The following PLPP4 variants were observed in gnomAD, a reference collection of about 807,000 sequenced individuals.
The protein encoded by PLPP4 is phospholipid phosphatase 4, also known as diacylglycerol pyrophosphate like 2.
In PLPP4, 20 loss-of-function variants were observed where a neutral mutation model predicts 32.2. The observed-to-expected ratio is 0.62, with a 90% CI of 0.44 to 0.90. The LOEUF is 0.90. Among genes scored for constraint, PLPP4 ranks in the 40% least tolerant of loss-of-function variants. The pLI is 0.00. For synonymous variants in PLPP4, 127 were observed against 133.0 expected (o/e 0.95, Z 0.31); for missense variants, 257 against 353.1 (o/e 0.73, Z 2.18).
chr10:120,510,161 C>T (rs184458681), intron 2 of PLPP4, among the ~76,000 whole-genome samples: 13 of 152,270 alleles, frequency 8.5e-5, no homozygotes, highest in African/African-American at 2.9e-4. Flanking sequence ...TCTCAGTACA[C>T]GTTAGCCTTT....
chr10:120,589,397 C>G lies in PLPP4; in HGVS notation c.711C>G (p.Pro237=), dbSNP rs756627781. ...TGGCCAACACAGCTTGCCATAAACC[C>G]TACGTTAGTCTGCGAGTCCCAGCCT... The part of the protein sequence containing the change: ...PPLANTACHK[P]YVSLRVPASL... The change falls in exon 7 of 7, where the codon CCC becomes CCG. Residue 237 remains proline (P), a synonymous_variant. Coordinates refer to ENST00000398250, the MANE Select transcript of PLPP4 (RefSeq NM_001030059.3). 1 of 1,614,134 alleles carries G rather than the reference C, an allele frequency of 6.2e-7. No individual in the cohort carries two copies. The highest frequency in any genetic ancestry group is 1.1e-5 in the South Asian group (1 of 91,082).
At chr10:120,479,882 G>A (rs1844118167) in intron 1 of PLPP4, among the ~76,000 whole-genome samples, 1 of 152,182 alleles carries the variant, frequency 6.6e-6, no homozygotes, top group African/African-American at 2.4e-5. Flanking sequence ...ACTGGAGGTT[G>A]TAATTATTTT....
rs185996208 is a variant in PLPP4 at position 120,526,257 on chromosome 10, T to C, written c.445+5162T>C. On this transcript the variant is annotated intron_variant, in intron 5 of 6. Transcript: ENST00000398250. ...ATGGATACATCATCTCTTACCCCGC[T>C]TTGTTTGCCGGTTTCATGTGTGCCC... Among the ~76,000 whole-genome samples, 347 of 152,292 alleles carry C rather than the reference T, an allele frequency of 2.3e-3. 3 individuals are homozygous for C. Among genetic ancestry groups the C allele is most frequent in the African/African-American group, 8.0e-3 (331 of 41,576 alleles).
chr10:120,575,150 C>T lies in PLPP4; in HGVS notation c.465C>T (p.Gly155=). Residue 155 remains glycine (G), a synonymous_variant, in exon 6 of 7, where the codon GGC becomes GGT. Transcript: ENST00000398250. The part of the protein sequence containing the change: ...IHSSFAFSGL[G]FTTFYLAGKL... ...TGGCAGTTGCCTTTTCGGGCCTTGG[C>T]TTCACGACGTTCTACTTGGCGGGCA... is the stretch of plus-strand genomic sequence containing the variant. 6.2e-7 allele frequency: 1 copy of T among 1,613,620 alleles called. No individual in the cohort carries two copies. The highest frequency in any genetic ancestry group is 8.5e-7 in the Non-Finnish European group (1 of 1,179,788).
rs1433168427 is a variant in PLPP4 at position 120,590,251 on chromosome 10, CAT to C, written c.*751_*752del. 6.6e-6 allele frequency among the ~76,000 whole-genome samples: 1 copy of C among 152,196 alleles called. No homozygotes were observed. Among genetic ancestry groups the C allele is most frequent in the African/African-American group, 2.4e-5 (1 of 41,450 alleles). ...TGGAGCCACTTCTGTAGCTCTGCCT[CAT>C]ACAGTGAATTTTTGGGGCACGGGGG... is the stretch of plus-strand genomic sequence containing the variant. On this transcript the variant is annotated 3_prime_UTR_variant, in exon 7 of 7. Coordinates refer to ENST00000398250, the MANE Select transcript of PLPP4 (RefSeq NM_001030059.3).
chr10:120,500,694 T>TG (rs1845205762), intron 1 of PLPP4, among the ~76,000 whole-genome samples: 1 of 112,086 alleles, frequency 8.9e-6, no homozygotes, highest in Admixed American at 9.9e-5. Context: ...GGGGGTGGGG[T>TG]GGGGTTCCAG....
Position 120,515,038 on chromosome 10 carries a change from G to C in PLPP4, c.256+1037G>C, listed in dbSNP as rs74987579. On this transcript the variant is annotated intron_variant, in intron 3 of 6. Coordinates refer to ENST00000398250, the MANE Select transcript of PLPP4 (RefSeq NM_001030059.3). Reference sequence around the variant, plus strand: ...TGAGAGCTGCATCTAGGGAGTGTGGGACAAGCAGCAGCTCCTGCCCTAAAG... The same window carrying C: ...TGAGAGCTGCATCTAGGGAGTGTGGCACAAGCAGCAGCTCCTGCCCTAAAG... Among the ~76,000 whole-genome samples the C allele has an allele frequency of 3.7e-3, 557 of 152,236 alleles. 4 individuals carry two copies. Among genetic ancestry groups the C allele is most frequent in the African/African-American group, 0.013 (537 of 41,556 alleles).
At chr10:120,520,733 C>T (rs1846113004) in intron 4 of PLPP4, among the ~76,000 whole-genome samples, 1 of 152,112 alleles carries the variant, frequency 6.6e-6, no homozygotes, top group African/African-American at 2.4e-5. Context: ...AACTGACCTT[C>T]CCAAGGTCAT....
At chr10:120,515,777 A>C (rs189714080) in intron 3 of PLPP4, among the ~76,000 whole-genome samples, 2 of 152,328 alleles carry the variant, frequency 1.3e-5, no homozygotes, top group African/African-American at 4.8e-5. Flanking sequence ...GAGCCCCCTC[A>C]GTTCATTTGG....
intron 1 of PLPP4, among the ~76,000 whole-genome samples, chr10:120,472,478 G>A (rs566539941): frequency 2.6e-5 from 4 of 152,140 alleles, no homozygotes; most frequent in Admixed American, 6.5e-5. Flanking sequence ...TTTTATGAAT[G>A]TAATGTGTTT....
At chr10:120,583,331 ATGT>A (rs956406840) in intron 6 of PLPP4, among the ~76,000 whole-genome samples, 7 of 151,776 alleles carry the variant, frequency 4.6e-5, no homozygotes, top group Non-Finnish European at 8.8e-5. Context: ...GGTTTTGCCA[ATGT>A]TATAGGTAAG....
chr10:120,481,701 C>T (rs577586937), intron 1 of PLPP4, among the ~76,000 whole-genome samples: 1 of 152,222 alleles, frequency 6.6e-6, no homozygotes, highest in East Asian at 1.9e-4. Context: ...CAGTAAGGAG[C>T]TGATAACTGA....
chr10:120,484,076 G>T (rs753497061), intron 1 of PLPP4, among the ~76,000 whole-genome samples: 1 of 152,234 alleles, frequency 6.6e-6, no homozygotes, highest in African/African-American at 2.4e-5. Flanking sequence ...GCAAGTATCT[G>T]TATAAGTGCT....
intron 5 of PLPP4, among the ~76,000 whole-genome samples, chr10:120,571,803 A>G (rs1027119190): frequency 1.3e-5 from 2 of 152,208 alleles, no homozygotes; most frequent in African/African-American, 4.8e-5. Context: ...AGTGCAGAGA[A>G]CCAAGGCTTC....
intron 5 of PLPP4, among the ~76,000 whole-genome samples, chr10:120,540,637 C>T (rs1847294357): frequency 6.6e-6 from 1 of 152,236 alleles, no homozygotes; most frequent in Non-Finnish European, 1.5e-5. Context: ...CACCCTTGGG[C>T]CCTGCACATC....
chr10:120,531,456 A>T (rs1292461364), intron 5 of PLPP4, among the ~76,000 whole-genome samples: 1 of 151,958 alleles, frequency 6.6e-6, no homozygotes. Flanking sequence ...TTTAATTTTG[A>T]TTAAATCTAA....
At chr10:120,584,978 T>G (rs1849686355) in intron 6 of PLPP4, among the ~76,000 whole-genome samples, 1 of 152,270 alleles carries the variant, frequency 6.6e-6, no homozygotes, top group Non-Finnish European at 1.5e-5. Flanking sequence ...GTTTGATGTC[T>G]TTTGGTCAAT....
chr10:120,500,707 C>T (rs539175702), intron 1 of PLPP4, among the ~76,000 whole-genome samples: 2 of 151,970 alleles, frequency 1.3e-5, no homozygotes, highest in Non-Finnish European at 2.9e-5. Flanking sequence ...GGTTCCAGAT[C>T]CTTTATTTTC....
chr10:120,564,317 A>G (rs1384474655), intron 5 of PLPP4, among the ~76,000 whole-genome samples: 1 of 152,026 alleles, frequency 6.6e-6, no homozygotes, highest in Non-Finnish European at 1.5e-5. Context: ...CAATTGCATT[A>G]TGGTCAGATA....
Sources: allele counts gnomAD v4.1 joint callset (sites outside exome capture counted in the v4.1 genomes callset), GRCh38; gene constraint gnomAD v4.1.1; transcripts MANE v1.5; gene names NCBI Gene and HGNC (gene_info 2026-07-23, HGNC 2026-07-21).